TNK2: variants seen among roughly 807,000 people sequenced by gnomAD.
The protein encoded by TNK2 is tyrosine kinase non receptor 2.
In TNK2, 83 loss-of-function variants were observed where a neutral mutation model predicts 101.8. The ratio of observed to expected loss-of-function variants is 0.82; its 90% CI spans 0.68 to 0.98. TNK2 has a LOEUF of 0.98. Ranked by LOEUF, TNK2 falls within the 50% of genes least tolerant of loss-of-function variation. The pLI is 0.00. For synonymous variants in TNK2, 804 were observed against 633.0 expected (o/e 1.27, Z -4.06); for missense variants, 1,665 against 1,483.2 (o/e 1.12, Z -2.01).
At position 195,882,157 on chromosome 3, in the gene TNK2, C is replaced by A; in HGVS notation, c.781G>T (p.Ala261Ser). The A allele has an allele frequency of 6.2e-7, 1 of 1,613,898 alleles. No individual in the cohort carries two copies. The change falls in exon 6 of 16, where the codon GCT becomes TCT. Residue 261 changes from alanine (A) to serine (S), a missense_variant. Ala to Ser is a moderately conservative substitution (Grantham distance 99). Coordinates refer to ENST00000672887, the MANE Select transcript of TNK2 (RefSeq NM_001382273.1). The surrounding 1 kb of genome is among the most constrained non-coding windows in gnomAD (Gnocchi z 4.2). Reference protein sequence around the residue: ...RDLAARNLLLATRDLVKIGDF... With the variant: ...RDLAARNLLLSTRDLVKIGDF... ...CCGATCTTGACCAGGTCGCGGGTAG[C>A]CAACAGCAGATTGCGGGCAGCCAGG... is the stretch of plus-strand genomic sequence containing the variant.
At chr3:195,887,996 G>A (rs915719569) in intron 2 of TNK2, among the ~76,000 whole-genome samples, 9 of 152,210 alleles carry the variant, frequency 5.9e-5, no homozygotes, top group Admixed American at 2.6e-4. Context: ...GTGTGCATGC[G>A]TGTGTGCGTG....
At chr3:195,870,921 T>A (rs9812133) in intron 10 of TNK2, among the ~76,000 whole-genome samples, 26 of 151,100 alleles carry the variant, frequency 1.7e-4, no homozygotes, top group Non-Finnish European at 3.1e-4. Flanking sequence ...GTGTGGGTTC[T>A]GGTGTGTGGG....
In TNK2 at chr3:195,896,511, G is replaced by A. The variant is rs555079604; in HGVS notation, c.-18-7905C>T. Among the ~76,000 whole-genome samples, 5 of 152,260 alleles carry A rather than the reference G, an allele frequency of 3.3e-5. No homozygotes were observed. In the East Asian group the frequency reaches 5.8e-4, roughly 18 times the overall value. On this transcript the variant is annotated intron_variant, in intron 1 of 15. Transcript: ENST00000672887. The stretch of plus-strand genomic sequence containing the variant: ...CTTCTATGCTGTACAGAAGCTCCTC[G>A]GCATCTTACTGCAGCTAAAGGCACA...
Position 195,867,747 on chromosome 3 carries a change from G to A in TNK2, c.2551C>T (p.Pro851Ser), listed in dbSNP as rs774327601. 5.0e-6 allele frequency: 8 copies of A among 1,596,794 alleles called. No homozygotes were observed. The highest frequency in any genetic ancestry group is 4.3e-6 in the Non-Finnish European group (5 of 1,172,870). The part of the protein sequence containing the change: ...KYATPQVIQA[P>S]GPRAGPCILP... ...ATGCAGGGACCAGCCCGCGGGCCAG[G>A]GGCCTGGATCACCTGGGGGGTGGCG... Residue 851 changes from proline (P) to serine (S), a missense_variant, in exon 13 of 16, where the codon CCT (proline) becomes TCT (serine). Transcript: ENST00000672887.
At chr3:195,871,771 C>T (rs1271278641) in intron 10 of TNK2, among the ~76,000 whole-genome samples, 1 of 152,230 alleles carries the variant, frequency 6.6e-6, no homozygotes, top group Non-Finnish European at 1.5e-5. Context: ...GCAGCAAGTG[C>T]TAATTCAGAG....
At chr3:195,872,106 G>A (rs1745876812) in intron 10 of TNK2, among the ~76,000 whole-genome samples, 170 bp downstream of exon 10, 1 of 152,250 alleles carries the variant, frequency 6.6e-6, no homozygotes, top group African/African-American at 2.4e-5. Flanking sequence ...GCTTCCTAGG[G>A]TTCCACAGCT....
rs1445044926 is a variant in TNK2, at chr3:195,886,246, G to C, written c.234+731C>G. The C allele has an allele frequency of 6.6e-6, 1 of 152,548 alleles. No individual in the cohort carries two copies. The allele number at this position is 152,548 out of a possible 1,614,324, so 9.4% of individuals were successfully genotyped here. ...AAAACCCGGGCAAAGGACCAGGACA[G>C]TGTTTCCAGGAAAAGCCAAAGGATC... On this transcript the variant is annotated intron_variant, in intron 3 of 15. Transcript: ENST00000672887. This position sits in a 1 kb window ranked among gnomAD's most constrained non-coding sequence, Gnocchi z 4.2.
Position 195,879,137 on chromosome 3 carries a change from T to C in TNK2, c.926A>G (p.His309Arg). 6.2e-7 allele frequency: 1 copy of C among 1,613,600 alleles called. No homozygotes were observed. Among genetic ancestry groups the C allele is most frequent in the Non-Finnish European group, 8.5e-7 (1 of 1,179,924 alleles). Reference sequence around the variant, plus strand: ...CCCGAACATCCAGGTGTCGCTGGCATGGGAGAAGGTGCGTGTCTTCAGGCT... The same window carrying C: ...CCCGAACATCCAGGTGTCGCTGGCACGGGAGAAGGTGCGTGTCTTCAGGCT... The part of the protein sequence containing the change: ...PESLKTRTFS[H>R]ASDTWMFGVT... The change falls in exon 7 of 16, where the codon CAT (histidine) becomes CGT (arginine). Residue 309 changes from histidine to arginine, a missense_variant. Physicochemically the swap from His to Arg is conservative, Grantham distance 29. Transcript: ENST00000672887.
At chr3:195,876,114 A>C (rs1186200878) in intron 9 of TNK2, among the ~76,000 whole-genome samples, 1 of 152,158 alleles carries the variant, frequency 6.6e-6, no homozygotes, top group Non-Finnish European at 1.5e-5. Flanking sequence ...AATGGATTCC[A>C]ACACCCGCTC....
At chr3:195,889,770 G>A (rs1757610940) in intron 1 of TNK2, among the ~76,000 whole-genome samples, 1 of 152,170 alleles carries the variant, frequency 6.6e-6, no homozygotes, top group Non-Finnish European at 1.5e-5. Context: ...CGGACCCACC[G>A]CACAGCAAAC....
At chr3:195,898,894 A>C (rs1365691638) in intron 1 of TNK2, among the ~76,000 whole-genome samples, 1 of 152,180 alleles carries the variant, frequency 6.6e-6, no homozygotes, top group Non-Finnish European at 1.5e-5. Context: ...CAGGAGTTCG[A>C]GACCAGCCTG....
intron 15 of TNK2, among the ~76,000 whole-genome samples, chr3:195,865,737 C>T (rs755960057): frequency 4.0e-5 from 6 of 151,868 alleles, no homozygotes; most frequent in Non-Finnish European, 7.4e-5. Context: ...ACAGGGAGTG[C>T]CTGCATCCCA....
intron 1 of TNK2, among the ~76,000 whole-genome samples, chr3:195,904,179 G>A (rs11922419): frequency 6.6e-6 from 1 of 151,142 alleles, no homozygotes; most frequent in East Asian, 1.9e-4. Context: ...GATCACCTGA[G>A]CCCAGGAAGT....
intron 15 of TNK2, among the ~76,000 whole-genome samples, chr3:195,865,840 A>C (rs1474539758): frequency 1.3e-5 from 2 of 152,116 alleles, no homozygotes; most frequent in Non-Finnish European, 2.9e-5. Context: ...TGGGCGCAAT[A>C]AGACAGACAT....
rs1052030822 is a variant in TNK2, at chr3:195,886,815, C to A, written c.234+162G>T. On this transcript the variant is annotated intron_variant, in intron 3 of 15. Coordinates refer to ENST00000672887, the MANE Select transcript of TNK2 (RefSeq NM_001382273.1). The surrounding 1 kb of genome is among the most constrained non-coding windows in gnomAD (Gnocchi z 4.2). Reference sequence around the variant, plus strand: ...ACTTAGCCCAGCAGCTCTACAAGTGCCCTGCCCGATAAGACCCTGGACGAG... The same window carrying A: ...ACTTAGCCCAGCAGCTCTACAAGTGACCTGCCCGATAAGACCCTGGACGAG... Among the ~76,000 whole-genome samples the A allele has an allele frequency of 6.6e-6, 1 of 152,192 alleles. No individual in the cohort carries two copies. The highest frequency in any genetic ancestry group is 6.5e-5 in the Admixed American group (1 of 15,284).
intron 12 of TNK2, 63 bp from the exon 13 acceptor site, chr3:195,868,772 G>A: frequency 6.8e-7 from 1 of 1,469,452 alleles, no homozygotes; most frequent in Admixed American, 2.4e-5. Context: ...CACGAGGGGA[G>A]GTGGCACGTG....
In TNK2 at chr3:195,872,305, G is replaced by C; in HGVS notation, c.1422C>G (p.His474Gln). The C allele has an allele frequency of 1.9e-6, 3 of 1,613,300 alleles. No homozygotes were observed. Among genetic ancestry groups the C allele is most frequent in the Non-Finnish European group, 2.5e-6 (3 of 1,179,932 alleles). ...HTGHGDSDPRHCWGFPDRIDE... is the reference protein window; with the variant it reads ...HTGHGDSDPRQCWGFPDRIDE... ...CAATCCTGTCCGGGAAGCCCCAGCA[G>C]TGGCGGGGGTCACTGTCGCCATGCC... is the stretch of plus-strand genomic sequence containing the variant. Residue 474 changes from histidine to glutamine, a missense_variant, in exon 10 of 16, where the codon CAC becomes CAG. By Grantham distance (24) the His-to-Gln change is conservative (BLOSUM62 0). Around this residue, in one of 3 missense-constraint regions of TNK2, gnomAD observed 1,136 missense variants for 894.9 expected, o/e 1.27. Coordinates refer to ENST00000672887, the MANE Select transcript of TNK2 (RefSeq NM_001382273.1).
At chr3:195,895,195 G>T (rs1170092334) in intron 1 of TNK2, 2 of 1,445,234 alleles carry the variant, frequency 1.4e-6, no homozygotes, top group Non-Finnish European at 1.8e-6. Context: ...CACAGCAGAC[G>T]AAGGGGTCTG....
At position 195,869,678 on chromosome 3, in the gene TNK2, C is replaced by G. The variant is rs574445357; in HGVS notation, c.1544-137G>C. ...GAATGGGGGCGAGTGAATGTACAAG[C>G]CCCCAGCAAACGGGAGGCCGCAGGC... On this transcript the variant is annotated intron_variant, in intron 11 of 15. Transcript: ENST00000672887. 2.2e-4 allele frequency: 204 copies of G among 913,998 alleles called. No individual in the cohort carries two copies. The African/African-American group carries it at 2.8e-3, about 12-fold the overall frequency. The allele number at this position is 913,998 out of a possible 1,614,324, so 56.6% of individuals were successfully genotyped here. A position where few individuals can be genotyped will look rare whatever the true frequency, so the allele number is the denominator to read the frequency against.
Sources: gnomAD v4.1 joint callset for allele counts (sites outside exome capture counted in the v4.1 genomes callset) on GRCh38, gnomAD v4.1.1 for gene constraint, gnomAD v4.1.1 regional missense constraint, Gnocchi (gnomAD v3.1) non-coding constraint, MANE v1.5 for transcripts, NCBI Gene and HGNC (gene_info 2026-07-23, HGNC 2026-07-21) for gene names.